The following NDUFS4 variants were observed in gnomAD, a reference collection of about 807,000 sequenced individuals.
NDUFS4 encodes the protein NADH:ubiquinone oxidoreductase subunit S4.
NDUFS4 carries 28 observed loss-of-function variants against 24.3 expected under a neutral mutation model. That is an observed-to-expected ratio of 1.15 (90% CI 0.85 to 1.58). The LOEUF is 1.58. Among genes scored for constraint, NDUFS4 ranks in the 40% most tolerant of loss-of-function variants. NDUFS4 has a pLI of 0.00. For synonymous variants in NDUFS4, 93 were observed against 69.7 expected (o/e 1.34, Z -1.67); for missense variants, 223 against 207.9 (o/e 1.07, Z -0.45).
chr5:53,679,864 G>C (rs933606798), intron 4 of NDUFS4, among the ~76,000 whole-genome samples: 2 of 152,066 alleles, frequency 1.3e-5, no homozygotes, highest in Admixed American at 1.3e-4. Context: ...GAGGTCTTGG[G>C]TTAATTTTCC....
intron 1 of NDUFS4, among the ~76,000 whole-genome samples, chr5:53,582,933 G>A (rs897667398): frequency 3.3e-5 from 5 of 152,142 alleles, no homozygotes; most frequent in Admixed American, 1.3e-4. Flanking sequence ...TCGGAGTCTC[G>A]CTCTGTCACC....
chr5:53,566,849 ATTTTT>A (rs34167752), intron 1 of NDUFS4, among the ~76,000 whole-genome samples: 1 of 136,690 alleles, frequency 7.3e-6, no homozygotes, highest in African/African-American at 2.7e-5. Flanking sequence ...ACCGCCAAGT[ATTTTT>A]TTTTTTTTTT....
chr5:53,643,230 T>G (rs1297958582), intron 2 of NDUFS4, among the ~76,000 whole-genome samples: 1 of 152,088 alleles, frequency 6.6e-6, no homozygotes, highest in Non-Finnish European at 1.5e-5. Context: ...TATAAATTAT[T>G]TATCTCTATT....
chr5:53,575,193 C>T (rs544938786), intron 1 of NDUFS4, among the ~76,000 whole-genome samples: 8 of 152,226 alleles, frequency 5.3e-5, no homozygotes, highest in African/African-American at 1.4e-4. Context: ...TGTTTCCAGC[C>T]GCATTTAAGT....
chr5:53,565,433 T>C (rs1359553119), intron 1 of NDUFS4, among the ~76,000 whole-genome samples: 1 of 152,224 alleles, frequency 6.6e-6, no homozygotes, highest in East Asian at 1.9e-4. Context: ...AACCACATTT[T>C]TGTTTATTTG....
At position 53,566,198 on chromosome 5, in the gene NDUFS4, G is replaced by C. The variant is rs186931921; in HGVS notation, c.98+5438G>C. 6.0e-4 allele frequency among the ~76,000 whole-genome samples: 92 copies of C among 152,294 alleles called. 1 individual carries two copies. The highest frequency in any genetic ancestry group is 2.1e-4 in the Non-Finnish European group (14 of 68,030). On this transcript the variant is annotated intron_variant, in intron 1 of 4. Transcript: ENST00000296684. ...AAAGTTAATAATACACGGAACTTAA[G>C]GGAGAAAGATGGAGCAACTTGGTTC...
At chr5:53,591,461 T>TGGGGGGGGGG (rs374748766) in intron 1 of NDUFS4, among the ~76,000 whole-genome samples, 1 of 81,188 alleles carries the variant, frequency 1.2e-5, no homozygotes, top group Non-Finnish European at 2.3e-5. Flanking sequence ...TTGTTTTTTT[T>TGGGGGGGGGG]GGGGGGGGGG....
intron 2 of NDUFS4, among the ~76,000 whole-genome samples, chr5:53,609,166 G>T (rs1161602809): frequency 6.6e-6 from 1 of 152,218 alleles, no homozygotes; most frequent in Admixed American, 6.5e-5. Context: ...ATCCTTTCCG[G>T]AAGGTTTTCA....
At chr5:53,625,951 T>G (rs1014635437) in intron 2 of NDUFS4, among the ~76,000 whole-genome samples, 2 of 152,206 alleles carry the variant, frequency 1.3e-5, no homozygotes, top group Non-Finnish European at 2.9e-5. Flanking sequence ...GTCTGTTACA[T>G]AGGTATACAT....
chr5:53,609,792 T>C (rs1289362428), intron 2 of NDUFS4, among the ~76,000 whole-genome samples: 1 of 121,788 alleles, frequency 8.2e-6, no homozygotes, highest in African/African-American at 3.3e-5. Context: ...CCTTGCACTT[T>C]TATATTATAT....
intron 3 of NDUFS4, among the ~76,000 whole-genome samples, chr5:53,650,776 G>A (rs997275920): frequency 2.0e-5 from 3 of 152,136 alleles, no homozygotes; most frequent in Non-Finnish European, 2.9e-5. Context: ...TCCTGGAAGC[G>A]CATTAGTGGA....
At chr5:53,636,195 T>A (rs1374980104) in intron 2 of NDUFS4, among the ~76,000 whole-genome samples, 1 of 152,186 alleles carries the variant, frequency 6.6e-6, no homozygotes, top group Non-Finnish European at 1.5e-5. Flanking sequence ...ACAGATTTTT[T>A]AAAAAACCAG....
At chr5:53,603,391 A>G (rs938268728) in intron 1 of NDUFS4, 61 bp from the exon 2 acceptor site, 7 of 1,151,780 alleles carry the variant, frequency 6.1e-6, no homozygotes, top group Non-Finnish European at 9.1e-6. Context: ...TTTATGTAAG[A>G]TTTGTCTGTC....
At chr5:53,599,362 A>G (rs1028299655) in intron 1 of NDUFS4, among the ~76,000 whole-genome samples, 4 of 152,164 alleles carry the variant, frequency 2.6e-5, no homozygotes, top group African/African-American at 4.8e-5. Flanking sequence ...CCATAGTGGT[A>G]GTACCATTTT....
chr5:53,637,687 C>CA (rs1350018930), intron 2 of NDUFS4, among the ~76,000 whole-genome samples: 18 of 151,244 alleles, frequency 1.2e-4, no homozygotes, highest in Non-Finnish European at 2.5e-4. Context: ...TTTCAAACAA[C>CA]AAAAAAAAAT....
At chr5:53,566,532 A>G (rs1749033039) in intron 1 of NDUFS4, among the ~76,000 whole-genome samples, 1 of 152,176 alleles carries the variant, frequency 6.6e-6, no homozygotes, top group Admixed American at 6.5e-5. Flanking sequence ...CAGGTACAGA[A>G]GTGAAATTAC....
At chr5:53,631,751 G>A (rs550708639) in intron 2 of NDUFS4, among the ~76,000 whole-genome samples, 6 of 152,286 alleles carry the variant, frequency 3.9e-5, no homozygotes, top group African/African-American at 7.2e-5. Context: ...ATCCCAGGTC[G>A]ATCTCAGACT....
At chr5:53,649,462 T>G (rs866716298) in intron 3 of NDUFS4, among the ~76,000 whole-genome samples, 1 of 152,218 alleles carries the variant, frequency 6.6e-6, no homozygotes, top group South Asian at 2.1e-4. Context: ...CAGTCTTTGA[T>G]TTTCTGTTTC....
intron 1 of NDUFS4, among the ~76,000 whole-genome samples, chr5:53,571,741 A>T (rs1749217138): frequency 6.6e-6 from 1 of 152,172 alleles, no homozygotes. Flanking sequence ...ATAAGGTGGT[A>T]CCTCATTCTG....
Sources: allele counts gnomAD v4.1 joint callset (sites outside exome capture counted in the v4.1 genomes callset), GRCh38; gene constraint gnomAD v4.1.1; transcripts MANE v1.5; gene names NCBI Gene and HGNC (gene_info 2026-07-23, HGNC 2026-07-21).